The following SYN3 variants were observed in gnomAD, a reference collection of about 807,000 sequenced individuals.
SYN3 encodes the protein synapsin-3.
A neutral mutation model predicts 65.8 loss-of-function variants in SYN3; 35 were observed. That is an observed-to-expected ratio of 0.53 (90% CI 0.41 to 0.70). The LOEUF (loss-of-function observed/expected upper bound fraction) is 0.70. SYN3 is among the 30% of genes least tolerant of loss of function. The pLI, the probability that SYN3 is intolerant of heterozygous loss-of-function variation, is 0.00. For synonymous variants in SYN3, 270 were observed against 292.9 expected (o/e 0.92, Z 0.80); for missense variants, 680 against 749.0 (o/e 0.91, Z 1.08).
At chr22:32,928,112 T>C (rs1224523445) in intron 4 of SYN3, among the ~76,000 whole-genome samples, 2 of 152,106 alleles carry the variant, frequency 1.3e-5, no homozygotes, top group East Asian at 1.9e-4. Context: ...GGGAGGATCA[T>C]GAGGTCAGGA....
chr22:32,596,617 G>A (rs2059203785), intron 7 of SYN3, 57 bp downstream of exon 7: 11 of 1,572,752 alleles, frequency 7.0e-6, no homozygotes, highest in Non-Finnish European at 9.6e-6. Context: ...AGAGGAACAG[G>A]TAGTCTGGGG....
chr22:32,556,834 T>TTTTTTTTTTTTTTTTG (rs1569035464), intron 7 of SYN3, among the ~76,000 whole-genome samples: 5 of 129,316 alleles, frequency 3.9e-5, no homozygotes, highest in Non-Finnish European at 8.1e-5. Context: ...TTTTTTTTTT[T>TTTTTTTTTTTTTTTTG]TGTGTGTAGA....
At position 32,975,860 on chromosome 22, in the gene SYN3, C is replaced by T. The variant is rs182046713; in HGVS notation, c.369+4785G>A. On this transcript the variant is annotated intron_variant, in intron 3 of 13. Coordinates refer to ENST00000358763, the MANE Select transcript of SYN3 (RefSeq NM_003490.4). ...ATCATTTCCTAATGAGGATGATGTTCAACCTGTTACCAAACCACCAAACTG... is the reference window on the plus strand; with the variant it reads ...ATCATTTCCTAATGAGGATGATGTTTAACCTGTTACCAAACCACCAAACTG... Among the ~76,000 whole-genome samples, 12 of 152,320 alleles carry T rather than the reference C, an allele frequency of 7.9e-5. No homozygotes were observed. In the East Asian group the frequency reaches 2.3e-3, roughly 29 times the overall value.
intron 6 of SYN3, among the ~76,000 whole-genome samples, chr22:32,840,995 G>A (rs957523363): frequency 6.6e-6 from 1 of 152,190 alleles, no homozygotes; most frequent in Non-Finnish European, 1.5e-5. Flanking sequence ...CCTGTGAACC[G>A]AGAATTGCTG....
intron 7 of SYN3, among the ~76,000 whole-genome samples, chr22:32,570,072 GTTAGGTGCCACAAT>G (rs2058738471): frequency 2.0e-5 from 3 of 152,204 alleles, no homozygotes; most frequent in Admixed American, 6.5e-5. Flanking sequence ...CTGAGGGTGT[GTTAGGTGCCACAAT>G]GGCTGGACTT....
At chr22:33,024,757 G>T (rs796265952) in intron 1 of SYN3, among the ~76,000 whole-genome samples, 10 of 152,296 alleles carry the variant, frequency 6.6e-5, no homozygotes, top group African/African-American at 2.4e-4. Context: ...GGATAAAGGG[G>T]AGCTTTTATA....
At chr22:32,554,572 G>A (rs975948965) in intron 7 of SYN3, among the ~76,000 whole-genome samples, 27 of 151,960 alleles carry the variant, frequency 1.8e-4, no homozygotes, top group Admixed American at 7.9e-4. Context: ...CTCTGTAACC[G>A]TCCTTCCAGC....
chr22:32,627,686 C>T (rs576338518), intron 6 of SYN3, among the ~76,000 whole-genome samples: 7 of 152,164 alleles, frequency 4.6e-5, no homozygotes, highest in South Asian at 2.1e-4. Flanking sequence ...GAGACATGCT[C>T]GGAAACTCCA....
At chr22:32,764,509 C>G (rs57713415) in intron 6 of SYN3, among the ~76,000 whole-genome samples, 1 of 152,104 alleles carries the variant, frequency 6.6e-6, no homozygotes, top group South Asian at 2.1e-4. Flanking sequence ...TTTCGGATCA[C>G]GAGAAATGGA....
chr22:32,754,057 T>G (rs2045221348), intron 6 of SYN3, among the ~76,000 whole-genome samples: 1 of 152,226 alleles, frequency 6.6e-6, no homozygotes, highest in East Asian at 1.9e-4. Flanking sequence ...ACCATGGTGG[T>G]GGTCCACACC....
intron 6 of SYN3, among the ~76,000 whole-genome samples, chr22:32,748,375 C>A (rs1490150821): frequency 6.6e-6 from 1 of 152,126 alleles, no homozygotes; most frequent in Non-Finnish European, 1.5e-5. Context: ...CAGACAGCAA[C>A]CTCTCTGAGC....
chr22:32,903,830 A>T (rs909325085), intron 4 of SYN3, among the ~76,000 whole-genome samples: 2 of 152,252 alleles, frequency 1.3e-5, no homozygotes, highest in African/African-American at 4.8e-5. Context: ...TGTGTGAACC[A>T]AATGCCAGCT....
intron 6 of SYN3, among the ~76,000 whole-genome samples, chr22:32,763,572 G>A (rs569485864): frequency 1.3e-5 from 2 of 152,264 alleles, no homozygotes; most frequent in South Asian, 4.2e-4. Context: ...TGTGAAAACC[G>A]AGGCAGAGCC....
intron 6 of SYN3, among the ~76,000 whole-genome samples, chr22:32,755,346 G>T (rs1293681813): frequency 6.6e-6 from 1 of 152,178 alleles, no homozygotes; most frequent in Non-Finnish European, 1.5e-5. Flanking sequence ...CCACCACACT[G>T]ACTGTTCCAG....
At chr22:32,735,387 A>G (rs1038953320) in intron 6 of SYN3, among the ~76,000 whole-genome samples, 15 of 152,188 alleles carry the variant, frequency 9.9e-5, no homozygotes, top group African/African-American at 3.6e-4. Context: ...TTCTCAATCA[A>G]TGCTAGCTAT....
chr22:32,687,522 C>T (rs1182063051), intron 6 of SYN3, among the ~76,000 whole-genome samples: 3 of 152,138 alleles, frequency 2.0e-5, no homozygotes, highest in African/African-American at 4.8e-5. Context: ...CATTGCTGCC[C>T]GCTAAGTCTA....
At position 32,581,792 on chromosome 22, in the gene SYN3, C is replaced by CT. The variant is rs10716395; in HGVS notation, c.774+14881dup. ...TTTCTTTTCTTTTCTTTCTTTCTTT[C>CT]TTTTTTTTTTTTTTTTTTTTTTGAG... On this transcript the variant is annotated intron_variant, in intron 7 of 13. Coordinates refer to ENST00000358763, the MANE Select transcript of SYN3 (RefSeq NM_003490.4). Among the ~76,000 whole-genome samples the CT allele has an allele frequency of 9.7e-4, 82 of 84,314 alleles. 2 individuals are homozygous for CT. Among genetic ancestry groups the CT allele is most frequent in the African/African-American group, 1.5e-3 (33 of 22,440 alleles). 55.3% of individuals were successfully genotyped at this position (84,314 alleles called of 152,430 possible).
chr22:32,956,041 C>CATATATATATATATATAT (rs5845054), intron 3 of SYN3, among the ~76,000 whole-genome samples: 2,563 of 130,276 alleles, frequency 0.02, 60 homozygotes, highest in African/African-American at 0.044. Flanking sequence ...AATAAATTCA[C>CATATATATATATATATAT]ATATATATAT....
At chr22:33,040,435 G>A (rs937095792) in intron 1 of SYN3, among the ~76,000 whole-genome samples, 3 of 152,144 alleles carry the variant, frequency 2.0e-5, no homozygotes, top group Non-Finnish European at 2.9e-5. Flanking sequence ...GCAAAACTAT[G>A]CATCCACTGC....
Sources: gnomAD v4.1 joint callset for allele counts (sites outside exome capture counted in the v4.1 genomes callset) on GRCh38, gnomAD v4.1.1 for gene constraint, MANE v1.5 for transcripts, NCBI Gene and HGNC (gene_info 2026-07-23, HGNC 2026-07-21) for gene names.